The following PPP2R5C variants were observed in gnomAD, a reference collection of about 807,000 sequenced individuals.
PPP2R5C encodes the protein protein phosphatase 2 regulatory subunit B'gamma.
Under a neutral mutation model 68.9 loss-of-function variants are expected in PPP2R5C, and 7 were observed. The observed-to-expected ratio is 0.10, with a 90% CI of 0.06 to 0.19. The LOEUF (loss-of-function observed/expected upper bound fraction) is 0.19. PPP2R5C is among the 10% of genes least tolerant of loss of function. The pLI is 1.00. For missense variants in PPP2R5C, 348 were observed against 641.3 expected (o/e 0.54, Z 4.94); for synonymous variants, 210 against 222.2 (o/e 0.95, Z 0.49).
intron 8 of PPP2R5C, among the ~76,000 whole-genome samples, chr14:101,900,009 C>G (rs1187844144): frequency 6.6e-6 from 1 of 152,128 alleles, no homozygotes; most frequent in East Asian, 1.9e-4. Context: ...ACCTTAGCCT[C>G]TCGAGTAGCT....
At chr14:101,771,222 CGTGTGTGTGTGTGT>C (rs3993402) in intron 2 of PPP2R5C, among the ~76,000 whole-genome samples, 1,763 of 135,488 alleles carry the variant, frequency 0.013, 34 homozygotes, top group African/African-American at 0.038. Flanking sequence ...TTCTTCATCT[CGTGTGTGTGTGTGT>C]GTGTGTGTGT....
chr14:101,876,845 C>A (rs566005867), intron 2 of PPP2R5C, among the ~76,000 whole-genome samples: 2 of 150,864 alleles, frequency 1.3e-5, no homozygotes, highest in South Asian at 4.2e-4. Flanking sequence ...GCTAACTGTT[C>A]GTGCATAATG....
upstream of PPP2R5C, among the ~76,000 whole-genome samples, chr14:101,808,259 C>G (rs2140172769): frequency 6.6e-6 from 1 of 151,984 alleles, no homozygotes; most frequent in East Asian, 1.9e-4. Flanking sequence ...TCCTCTTACC[C>G]AACTGAAAGC....
At chr14:101,828,329 G>A (rs1473012605) in intron 1 of PPP2R5C, among the ~76,000 whole-genome samples, 1 of 152,130 alleles carries the variant, frequency 6.6e-6, no homozygotes, top group Non-Finnish European at 1.5e-5. Context: ...AGGGCTGATT[G>A]CACAACATTG....
At chr14:101,798,744 C>T (rs941617569) in intron 3 of PPP2R5C, among the ~76,000 whole-genome samples, 1 of 152,226 alleles carries the variant, frequency 6.6e-6, no homozygotes, top group East Asian at 1.9e-4. Context: ...CCCAGCAAAG[C>T]GCCCTTCCTT....
chr14:101,907,311 C>T (rs1310746225), intron 10 of PPP2R5C, among the ~76,000 whole-genome samples: 1 of 151,956 alleles, frequency 6.6e-6, no homozygotes, highest in African/African-American at 2.4e-5. Context: ...GCTGGGACTA[C>T]AGGCACCCAC....
intron 2 of PPP2R5C, among the ~76,000 whole-genome samples, chr14:101,770,841 G>C (rs986433677): frequency 2.0e-5 from 3 of 152,260 alleles, no homozygotes; most frequent in African/African-American, 7.2e-5. Context: ...TAGCGGAGCT[G>C]AGTGAGTCAG....
intron 2 of PPP2R5C, among the ~76,000 whole-genome samples, chr14:101,874,331 T>C (rs973473090): frequency 6.6e-6 from 1 of 152,232 alleles, no homozygotes; most frequent in African/African-American, 2.4e-5. Context: ...AAAGCAAATA[T>C]ATTAGAATGC....
In PPP2R5C at chr14:101,916,103, T is replaced by C. The variant is rs1045776471; in HGVS notation, c.1327-1728T>C. On this transcript the variant is annotated intron_variant, in intron 12 of 13. Transcript: ENST00000334743. This position sits in a 1 kb window ranked among gnomAD's most constrained non-coding sequence, Gnocchi z 5.5. ...AATTCCCCCAAAATGTCAGCAGATA[T>C]TAAAGAGCCATAAAGGGCAAAATGG... 2.0e-5 allele frequency among the ~76,000 whole-genome samples: 3 copies of C among 152,162 alleles called. No homozygotes were observed. The highest frequency in any genetic ancestry group is 7.2e-5 in the African/African-American group (3 of 41,440).
At chr14:101,894,911 T>C (rs2045208895) in intron 8 of PPP2R5C, among the ~76,000 whole-genome samples, 1 of 152,214 alleles carries the variant, frequency 6.6e-6, no homozygotes, top group Non-Finnish European at 1.5e-5. Context: ...TTGAACTGAT[T>C]ATGATCAGAG....
At chr14:101,808,421 A>T (rs1566854872), upstream of PPP2R5C, among the ~76,000 whole-genome samples, 1 of 151,928 alleles carries the variant, frequency 6.6e-6, no homozygotes, top group Admixed American at 6.6e-5. Context: ...GGAATCCAGC[A>T]CTGTCTGTCA....
At chr14:101,860,541 G>A (rs1423043613) in intron 2 of PPP2R5C, among the ~76,000 whole-genome samples, 2 of 152,190 alleles carry the variant, frequency 1.3e-5, no homozygotes, top group African/African-American at 2.4e-5. Context: ...CGTATCTCTT[G>A]GGCATATACC....
intron 3 of PPP2R5C, among the ~76,000 whole-genome samples, chr14:101,799,298 C>T (rs1337023530): frequency 1.3e-5 from 2 of 152,214 alleles, no homozygotes; most frequent in African/African-American, 2.4e-5. Flanking sequence ...CTGCATTTTG[C>T]TCTGATGGCC....
chr14:101,771,470 C>T (rs1233059019), intron 2 of PPP2R5C, among the ~76,000 whole-genome samples: 2 of 152,066 alleles, frequency 1.3e-5, no homozygotes, highest in African/African-American at 4.8e-5. Flanking sequence ...GTGGCTCATG[C>T]CTGTAATCCC....
At chr14:101,872,818 C>T (rs1201309032) in intron 2 of PPP2R5C, among the ~76,000 whole-genome samples, 1 of 151,858 alleles carries the variant, frequency 6.6e-6, no homozygotes, top group Non-Finnish European at 1.5e-5. Context: ...GAGAAATTGT[C>T]TCTTCAAATA....
chr14:101,863,251 C>T (rs1355410446), intron 2 of PPP2R5C, among the ~76,000 whole-genome samples: 1 of 151,444 alleles, frequency 6.6e-6, no homozygotes, highest in African/African-American at 2.4e-5. Context: ...GAGGTTGTAG[C>T]GAGCCGAGAT....
rs762118915 is a variant in PPP2R5C at position 101,815,772 on chromosome 14, C to T, written c.94+5736C>T. ...GCAACCTCTGCCTCCCAGGTTCAAGCGATTCTCCTGCGTCAGCCTCCCGAG... is the reference window on the plus strand; with the variant it reads ...GCAACCTCTGCCTCCCAGGTTCAAGTGATTCTCCTGCGTCAGCCTCCCGAG... On this transcript the variant is annotated intron_variant, in intron 1 of 13. Transcript: ENST00000334743. 7.9e-5 allele frequency among the ~76,000 whole-genome samples: 12 copies of T among 152,166 alleles called. 1 individual carries two copies. The highest frequency in any genetic ancestry group is 1.7e-4 in the African/African-American group (7 of 41,450).
upstream of PPP2R5C, among the ~76,000 whole-genome samples, chr14:101,807,182 A>T (rs2039112329): frequency 6.6e-6 from 1 of 152,170 alleles, no homozygotes; most frequent in Admixed American, 6.5e-5. Context: ...TAAGACTTAA[A>T]TTGACTTTTT....
At chr14:101,924,628 A>T (rs746552006) in intron 13 of PPP2R5C, among the ~76,000 whole-genome samples, 13 of 151,518 alleles carry the variant, frequency 8.6e-5, no homozygotes, top group Non-Finnish European at 1.8e-4. Flanking sequence ...TTTTTAGTAG[A>T]GACGGGGTTT....
Sources: gnomAD v4.1 joint callset for allele counts (sites outside exome capture counted in the v4.1 genomes callset) on GRCh38, gnomAD v4.1.1 for gene constraint, Gnocchi (gnomAD v3.1) non-coding constraint, MANE v1.5 for transcripts, NCBI Gene and HGNC (gene_info 2026-07-23, HGNC 2026-07-21) for gene names.